Variants in PTPRD observed in about 807,000 individuals in gnomAD.
The protein encoded by PTPRD is protein tyrosine phosphatase receptor type D.
In PTPRD, 34 loss-of-function variants were observed where a neutral mutation model predicts 214.5. The ratio of observed to expected loss-of-function variants is 0.16; its 90% CI spans 0.12 to 0.21. The LOEUF (loss-of-function observed/expected upper bound fraction) is 0.21, where lower values mean the gene tolerates loss of function less well. PTPRD is among the 10% of genes least tolerant of loss of function. The probability of loss-of-function intolerance (pLI) is 1.00; values close to 1 mark genes in which losing one functional copy is unlikely to be tolerated. For synonymous variants in PTPRD, 1,128 were observed against 845.7 expected (o/e 1.33, Z -5.79); for missense variants, 2,545 against 2,398.7 (o/e 1.06, Z -1.27).
At chr9:10,273,276 T>A (rs1449077771) in intron 3 of PTPRD, among the ~76,000 whole-genome samples, 1 of 152,148 alleles carries the variant, frequency 6.6e-6, no homozygotes, top group Non-Finnish European at 1.5e-5. Context: ...AGATCTCTGA[T>A]TTCATATTGC....
chr9:8,540,770 A>G (rs893892379), intron 14 of PTPRD, among the ~76,000 whole-genome samples: 2 of 152,150 alleles, frequency 1.3e-5, no homozygotes, highest in African/African-American at 4.8e-5. Flanking sequence ...AATGGTTGTT[A>G]CCCTCTAGTC....
intron 11 of PTPRD, among the ~76,000 whole-genome samples, chr9:8,901,084 G>A (rs2098665109): frequency 1.3e-5 from 2 of 152,182 alleles, no homozygotes; most frequent in African/African-American, 4.8e-5. Context: ...AAGGGCATTT[G>A]AACAGTTACT....
intron 14 of PTPRD, among the ~76,000 whole-genome samples, chr9:8,567,811 GCT>G (rs2089860041): frequency 6.6e-6 from 1 of 152,066 alleles, no homozygotes; most frequent in Admixed American, 6.6e-5. Flanking sequence ...TGATGACCAA[GCT>G]AGGTTCTATA....
chr9:9,436,441 T>C (rs1367875983), intron 8 of PTPRD, among the ~76,000 whole-genome samples: 1 of 152,168 alleles, frequency 6.6e-6, no homozygotes, highest in Non-Finnish European at 1.5e-5. Context: ...TAGTTAACAC[T>C]GACTGATTAG....
Position 8,361,243 on chromosome 9 carries a change from T to A in PTPRD, c.4661+14693A>T, listed in dbSNP as rs547724300. On this transcript the variant is annotated intron_variant, in intron 39 of 45. Coordinates refer to ENST00000381196, the MANE Select transcript of PTPRD (RefSeq NM_002839.4). ...CTGCTTTCACAGATTAAAAGAAAAA[T>A]TTTAGCAGGGGAATGTGAAACTTAG... Among the ~76,000 whole-genome samples, 4 of 152,206 alleles carry A rather than the reference T, an allele frequency of 2.6e-5. No homozygotes were observed. In the East Asian group the frequency reaches 7.7e-4, roughly 29 times the overall value.
intron 9 of PTPRD, among the ~76,000 whole-genome samples, chr9:9,270,636 GC>G (rs1295921435): frequency 2.0e-5 from 3 of 151,322 alleles, no homozygotes; most frequent in African/African-American, 7.3e-5. Context: ...CAAAAGAAGA[GC>G]CATAGAAGTT....
At chr9:9,101,081 A>C (rs1367220099) in intron 10 of PTPRD, among the ~76,000 whole-genome samples, 3 of 130,398 alleles carry the variant, frequency 2.3e-5, no homozygotes, top group Non-Finnish European at 5.1e-5. Flanking sequence ...TGAAATCTGA[A>C]CCAATTGGCC....
intron 3 of PTPRD, among the ~76,000 whole-genome samples, chr9:10,305,098 C>T (rs747974775): frequency 3.3e-5 from 5 of 151,988 alleles, no homozygotes; most frequent in East Asian, 1.9e-4. Context: ...AGAAATAACA[C>T]CACACATCTA....
intron 3 of PTPRD, among the ~76,000 whole-genome samples, chr9:10,157,568 T>C (rs2099101200): frequency 6.6e-6 from 1 of 152,174 alleles, no homozygotes; most frequent in Non-Finnish European, 1.5e-5. Flanking sequence ...TTAACATTTT[T>C]TTTCCTTTCA....
At chr9:9,634,624 C>G (rs1002482300) in intron 7 of PTPRD, among the ~76,000 whole-genome samples, 2 of 152,046 alleles carry the variant, frequency 1.3e-5, no homozygotes, top group Non-Finnish European at 2.9e-5. Context: ...AAAATATGAA[C>G]ACAAAATAAA....
intron 3 of PTPRD, among the ~76,000 whole-genome samples, chr9:10,310,378 T>A (rs1012053013): frequency 6.6e-6 from 1 of 151,996 alleles, no homozygotes. Context: ...ATTTCAGAAG[T>A]ACAGAGGCTT....
intron 8 of PTPRD, among the ~76,000 whole-genome samples, chr9:9,437,941 C>G (rs572560219): frequency 7.2e-5 from 11 of 152,176 alleles, no homozygotes; most frequent in Non-Finnish European, 1.3e-4. Flanking sequence ...GTTCTGGAGG[C>G]TACAACTTTG....
At chr9:8,757,183 T>C (rs1401281227) in intron 11 of PTPRD, among the ~76,000 whole-genome samples, 1 of 151,894 alleles carries the variant, frequency 6.6e-6, no homozygotes, top group East Asian at 1.9e-4. Context: ...TTGTCAACTC[T>C]CTGTTTCTCA....
intron 8 of PTPRD, among the ~76,000 whole-genome samples, chr9:9,514,030 T>C (rs1185072060): frequency 2.6e-5 from 4 of 152,070 alleles, no homozygotes; most frequent in African/African-American, 7.2e-5. Flanking sequence ...AGAGCCTTAA[T>C]TCTATCAAGT....
intron 8 of PTPRD, among the ~76,000 whole-genome samples, chr9:9,478,942 A>T (rs866080729): frequency 1.3e-5 from 2 of 152,310 alleles, no homozygotes; most frequent in Non-Finnish European, 2.9e-5. Flanking sequence ...TTGGTTTGTC[A>T]TAGTAAACAT....
rs933890821 is a variant in PTPRD at position 10,103,281 on chromosome 9, A to T, written c.-544-69491T>A. Reference sequence around the variant, plus strand: ...GTTCCCTTTTCATAACTATCTATATATTTCTTGATTATCACAATTTTCTTC... The same window carrying T: ...GTTCCCTTTTCATAACTATCTATATTTTTCTTGATTATCACAATTTTCTTC... On this transcript the variant is annotated intron_variant, in intron 3 of 45. Transcript: ENST00000381196. Among the ~76,000 whole-genome samples the T allele has an allele frequency of 2.7e-5, 4 of 150,450 alleles. No individual in the cohort carries two copies. In the East Asian group the frequency reaches 7.9e-4, roughly 30 times the overall value.
At chr9:8,529,109 G>A (rs926198466) in intron 14 of PTPRD, among the ~76,000 whole-genome samples, 2 of 152,088 alleles carry the variant, frequency 1.3e-5, no homozygotes, top group Admixed American at 6.6e-5. Flanking sequence ...CTGATTTAAA[G>A]TAGGCATTTA....
At chr9:8,923,984 A>C (rs1405639419) in intron 11 of PTPRD, among the ~76,000 whole-genome samples, 5 of 152,218 alleles carry the variant, frequency 3.3e-5, no homozygotes, top group African/African-American at 1.2e-4. Context: ...CATAGCTAAA[A>C]AGATTGAACT....
At chr9:10,352,760 T>C (rs2097204361) in intron 2 of PTPRD, among the ~76,000 whole-genome samples, 1 of 152,030 alleles carries the variant, frequency 6.6e-6, no homozygotes, top group Non-Finnish European at 1.5e-5. Context: ...CTATAATATT[T>C]AAATCTGTTG....
Sources: allele counts gnomAD v4.1 joint callset (sites outside exome capture counted in the v4.1 genomes callset), GRCh38; gene constraint gnomAD v4.1.1; transcripts MANE v1.5; gene names NCBI Gene and HGNC (gene_info 2026-07-23, HGNC 2026-07-21).